The following MCTP1 variants were observed in gnomAD, a reference collection of about 807,000 sequenced individuals.
MCTP1 encodes multiple C2 and transmembrane domain containing 1.
A neutral mutation model predicts 120.6 loss-of-function variants in MCTP1; 69 were observed. The ratio of observed to expected loss-of-function variants is 0.57; its 90% CI spans 0.47 to 0.70. MCTP1 has a LOEUF of 0.70. MCTP1 is among the 30% of genes least tolerant of loss of function. The pLI is 0.00. For synonymous variants in MCTP1, 529 were observed against 493.1 expected (o/e 1.07, Z -0.96); for missense variants, 1,203 against 1,248.8 (o/e 0.96, Z 0.55).
intron 1 of MCTP1, among the ~76,000 whole-genome samples, chr5:95,281,483 A>C (rs1247697645): frequency 1.3e-5 from 2 of 152,194 alleles, no homozygotes; most frequent in Admixed American, 1.3e-4. Flanking sequence ...ATTACAGAGA[A>C]ATCTCTCCAC....
At chr5:94,834,060 C>T (rs1385494578) in intron 17 of MCTP1, among the ~76,000 whole-genome samples, 1 of 152,180 alleles carries the variant, frequency 6.6e-6, no homozygotes, top group Admixed American at 6.5e-5. Context: ...CCACTGATGT[C>T]ATCATTAAAG....
intron 2 of MCTP1, among the ~76,000 whole-genome samples, chr5:95,016,887 T>A (rs1837222209): frequency 6.6e-6 from 1 of 152,096 alleles, no homozygotes. Context: ...TAATCCACCA[T>A]GAGACTACTG....
chr5:94,969,439 C>A (rs1047366249), intron 2 of MCTP1, among the ~76,000 whole-genome samples: 3 of 151,990 alleles, frequency 2.0e-5, no homozygotes, highest in Non-Finnish European at 2.9e-5. Context: ...ATAAATAAGC[C>A]TCCTGGTTAA....
intron 10 of MCTP1, among the ~76,000 whole-genome samples, chr5:94,905,386 A>G (rs984623355): frequency 6.6e-6 from 1 of 152,200 alleles, no homozygotes; most frequent in Non-Finnish European, 1.5e-5. Context: ...AAGTTACTTT[A>G]TTTTTGTTTT....
chr5:95,186,784 G>A (rs1156363203), intron 1 of MCTP1, among the ~76,000 whole-genome samples: 8 of 152,122 alleles, frequency 5.3e-5, no homozygotes, highest in African/African-American at 1.9e-4. Context: ...AGACAGTATG[G>A]TAGTGTTTTA....
chr5:94,971,268 C>G (rs12188624), intron 2 of MCTP1, among the ~76,000 whole-genome samples: 1 of 151,690 alleles, frequency 6.6e-6, no homozygotes, highest in South Asian at 2.1e-4. Context: ...AAAATTACCA[C>G]GTAGAACACC....
At chr5:94,922,458 T>G (rs1811902147) in intron 7 of MCTP1, among the ~76,000 whole-genome samples, 1 of 149,694 alleles carries the variant, frequency 6.7e-6, no homozygotes, top group East Asian at 2.0e-4. Context: ...CCCCCCAAAT[T>G]CTACTCTCAA....
intron 7 of MCTP1, among the ~76,000 whole-genome samples, chr5:94,921,801 T>C (rs1047915284): frequency 1.3e-5 from 2 of 152,162 alleles, no homozygotes; most frequent in African/African-American, 2.4e-5. Context: ...GTGGCTAACA[T>C]AGCTGCTGAA....
chr5:95,111,321 G>A (rs1183232837), intron 1 of MCTP1, among the ~76,000 whole-genome samples: 2 of 152,110 alleles, frequency 1.3e-5, no homozygotes, highest in African/African-American at 4.8e-5. Flanking sequence ...GCTAGTTGTT[G>A]ATTCAGGACT....
intron 6 of MCTP1, among the ~76,000 whole-genome samples, chr5:94,927,210 C>G (rs550273184): frequency 6.6e-6 from 1 of 152,174 alleles, no homozygotes; most frequent in Admixed American, 6.5e-5. Context: ...TTTAAATAAA[C>G]TTACTACAAA....
chr5:94,966,719 T>C (rs1258448390), intron 2 of MCTP1, among the ~76,000 whole-genome samples: 2 of 151,142 alleles, frequency 1.3e-5, no homozygotes, highest in East Asian at 2.0e-4. Flanking sequence ...GGCGTGAACC[T>C]GGGAGACGGA....
intron 1 of MCTP1, among the ~76,000 whole-genome samples, chr5:95,063,594 A>G (rs1749820819): frequency 6.6e-6 from 1 of 152,176 alleles, no homozygotes; most frequent in African/African-American, 2.4e-5. Flanking sequence ...CAGGATGTTC[A>G]CTACAGCACA....
intron 12 of MCTP1, among the ~76,000 whole-genome samples, chr5:94,884,456 C>T (rs1392739309): frequency 2.6e-5 from 4 of 152,112 alleles, no homozygotes; most frequent in Admixed American, 2.6e-4. Flanking sequence ...GGCTTTGTCT[C>T]CCTGTCATTG....
intron 2 of MCTP1, among the ~76,000 whole-genome samples, chr5:94,961,925 T>C (rs1431272928): frequency 6.6e-6 from 1 of 152,174 alleles, no homozygotes; most frequent in African/African-American, 2.4e-5. Flanking sequence ...TTGTGCTCAT[T>C]GTAGATTCTG....
At chr5:95,164,284 C>G (rs1746075005) in intron 1 of MCTP1, among the ~76,000 whole-genome samples, 2 of 147,800 alleles carry the variant, frequency 1.4e-5, no homozygotes, top group African/African-American at 4.9e-5. Flanking sequence ...AAATCACTTT[C>G]CTTTCTTATT....
chr5:95,065,212 T>A (rs1750345739), intron 1 of MCTP1, among the ~76,000 whole-genome samples: 2 of 151,914 alleles, frequency 1.3e-5, no homozygotes, highest in Admixed American at 1.3e-4. Flanking sequence ...AAGAAATCAT[T>A]TCAAAATTAT....
chr5:95,134,992 C>CAAAAA (rs70978170), intron 1 of MCTP1, among the ~76,000 whole-genome samples: 9 of 35,338 alleles, frequency 2.5e-4, no homozygotes, highest in Non-Finnish European at 3.6e-4. Flanking sequence ...GCCTGATGGC[C>CAAAAA]AAAAAAAAAA....
intron 1 of MCTP1, among the ~76,000 whole-genome samples, chr5:95,071,628 C>T (rs1752195466): frequency 6.6e-6 from 1 of 152,112 alleles, no homozygotes; most frequent in African/African-American, 2.4e-5. Flanking sequence ...TTTCTGGGGG[C>T]ACAAGCTCTT....
chr5:94,806,408 G>C (rs923583858), intron 17 of MCTP1, among the ~76,000 whole-genome samples: 2 of 152,194 alleles, frequency 1.3e-5, no homozygotes, highest in Admixed American at 6.5e-5. Flanking sequence ...ATACAAAGTA[G>C]AGTGAGCAAT....
Sources: gnomAD v4.1 joint callset for allele counts (sites outside exome capture counted in the v4.1 genomes callset) on GRCh38, gnomAD v4.1.1 for gene constraint, MANE v1.5 for transcripts, NCBI Gene and HGNC (gene_info 2026-07-23, HGNC 2026-07-21) for gene names.